The following TP63 variants were observed in gnomAD, a reference collection of about 807,000 sequenced individuals.
TP63 encodes the protein tumor protein 63.
A neutral mutation model predicts 82.8 loss-of-function variants in TP63; 17 were observed. The observed-to-expected ratio is 0.21, with a 90% confidence interval of 0.14 to 0.31. The LOEUF (loss-of-function observed/expected upper bound fraction) is 0.31, where lower values mean the gene tolerates loss of function less well. Ranked by LOEUF, TP63 falls within the 10% of genes least tolerant of loss-of-function variation. The pLI is 1.00. For synonymous variants in TP63, 330 were observed against 321.7 expected (o/e 1.03, Z -0.28); for missense variants, 648 against 895.3 (o/e 0.72, Z 3.52).
At position 189,652,033 on chromosome 3, in the gene TP63, C is replaced by G. The variant is rs1008640290; in HGVS notation, c.62+20456C>G. ...CAGAAGTTTGCTGCAGGAGTAGAGCCTCATGGAGAACCTCTGGCAGAGTGG... is the reference window on the plus strand; with the variant it reads ...CAGAAGTTTGCTGCAGGAGTAGAGCGTCATGGAGAACCTCTGGCAGAGTGG... On this transcript the variant is annotated intron_variant, in intron 1 of 13. Transcript: ENST00000264731. Among the ~76,000 whole-genome samples, 12 of 146,906 alleles carry G rather than the reference C, an allele frequency of 8.2e-5. 1 individual carries two copies. The highest frequency in any genetic ancestry group is 2.3e-4 in the African/African-American group (9 of 39,232).
At chr3:189,729,420 A>G (rs1304636865) in intron 1 of TP63, among the ~76,000 whole-genome samples, 2 of 152,206 alleles carry the variant, frequency 1.3e-5, no homozygotes, top group Admixed American at 6.5e-5. Context: ...AAGACAGGTC[A>G]TGGTCAGTCA....
At chr3:189,866,615 A>G (rs1717757473) in intron 5 of TP63, 67 bp from the exon 6 acceptor site, 1 of 1,414,136 alleles carries the variant, frequency 7.1e-7, no homozygotes, top group Non-Finnish European at 9.9e-7. Flanking sequence ...CTGTTCATGC[A>G]ATTTCATTTT....
At chr3:189,632,390 G>A (rs527571771) in intron 1 of TP63, among the ~76,000 whole-genome samples, 1 of 152,140 alleles carries the variant, frequency 6.6e-6, no homozygotes, top group Non-Finnish European at 1.5e-5. Context: ...TTTACCACCT[G>A]TGTCTGTTGG....
At chr3:189,702,863 T>A (rs1459271142) in intron 1 of TP63, among the ~76,000 whole-genome samples, 1 of 152,216 alleles carries the variant, frequency 6.6e-6, no homozygotes, top group Non-Finnish European at 1.5e-5. Flanking sequence ...TTGGAAATAA[T>A]ATATGTATAA....
At chr3:189,719,690 G>T (rs993293120) in intron 1 of TP63, among the ~76,000 whole-genome samples, 4 of 152,136 alleles carry the variant, frequency 2.6e-5, no homozygotes, top group Non-Finnish European at 5.9e-5. Flanking sequence ...GCTTAAACAC[G>T]CTGCAAAAAC....
At chr3:189,787,735 A>G (rs1054561379) in intron 3 of TP63, among the ~76,000 whole-genome samples, 1 of 152,018 alleles carries the variant, frequency 6.6e-6, no homozygotes, top group Non-Finnish European at 1.5e-5. Context: ...TTAGTGTAAA[A>G]AACAATTTAA....
At chr3:189,664,782 A>G (rs1714229122) in intron 1 of TP63, among the ~76,000 whole-genome samples, 1 of 152,164 alleles carries the variant, frequency 6.6e-6, no homozygotes. Context: ...ATGAAATAGT[A>G]GTATTTGTTT....
intron 4 of TP63, among the ~76,000 whole-genome samples, chr3:189,831,818 C>CTTTT (rs1156431272): frequency 1.5e-4 from 11 of 73,198 alleles, no homozygotes; most frequent in African/African-American, 2.5e-4. Context: ...CTATTATGCT[C>CTTTT]TTTTTTTTTT....
intron 1 of TP63, among the ~76,000 whole-genome samples, chr3:189,732,585 G>T (rs1476947440): frequency 1.3e-5 from 2 of 152,206 alleles, no homozygotes; most frequent in Non-Finnish European, 2.9e-5. Flanking sequence ...GGCGCTGTAT[G>T]ACAATTATGT....
At chr3:189,650,247 A>AGATCAATT (rs2108634823) in intron 1 of TP63, among the ~76,000 whole-genome samples, 1 of 147,446 alleles carries the variant, frequency 6.8e-6, no homozygotes, top group South Asian at 2.2e-4. Context: ...TGTCCGCAAA[A>AGATCAATT]GATCAATTTC....
At chr3:189,719,607 TC>T (rs1008333857) in intron 1 of TP63, among the ~76,000 whole-genome samples, 4 of 152,180 alleles carry the variant, frequency 2.6e-5, no homozygotes, top group Non-Finnish European at 5.9e-5. Flanking sequence ...CCATGCGGTC[TC>T]TGTCACAGCT....
intron 10 of TP63, 46 bp downstream of exon 10, chr3:189,873,041 C>T (rs754211524): frequency 6.2e-7 from 1 of 1,613,708 alleles, no homozygotes. Context: ...GTGAGGGTGA[C>T]TTTATTTGGA....
intron 1 of TP63, among the ~76,000 whole-genome samples, chr3:189,710,399 C>G (rs911405779): frequency 6.6e-6 from 1 of 152,098 alleles, no homozygotes; most frequent in Non-Finnish European, 1.5e-5. Flanking sequence ...CTTTCAGATT[C>G]CTGCTTTGGA....
At chr3:189,655,601 G>A (rs975104417) in intron 1 of TP63, among the ~76,000 whole-genome samples, 1 of 152,040 alleles carries the variant, frequency 6.6e-6, no homozygotes, top group South Asian at 2.1e-4. Context: ...CAGCCTGGGC[G>A]ACAGAGTGAG....
chr3:189,731,025 A>AT (rs542547685), intron 1 of TP63, among the ~76,000 whole-genome samples: 3 of 151,732 alleles, frequency 2.0e-5, no homozygotes, highest in South Asian at 4.2e-4. Flanking sequence ...CTGATGCACA[A>AT]TTTTTTTTCT....
rs772653802 is a variant in TP63 at position 189,808,394 on chromosome 3, C to T, written c.447C>T (p.Tyr149=). ...AQNSVTAPSP[Y]AQPSSTFDAL... ...ACAGCGTCACGGCGCCCTCGCCCTA[C>T]GCACAGCCCAGCTCCACCTTCGATG... is the stretch of plus-strand genomic sequence containing the variant. Residue 149 remains tyrosine (Y), a synonymous_variant, in exon 4 of 14, where the codon TAC becomes TAT. Coordinates refer to ENST00000264731, the MANE Select transcript of TP63 (RefSeq NM_003722.5). 5 of 1,614,220 alleles carry T rather than the reference C, an allele frequency of 3.1e-6. No individual in the cohort carries two copies. Among genetic ancestry groups the T allele is most frequent in the East Asian group, 4.5e-5 (2 of 44,878 alleles).
At chr3:189,626,190 G>A in the TP63 span, among the ~76,000 whole-genome samples, 1 of 152,202 alleles carries the variant, frequency 6.6e-6, no homozygotes, top group East Asian at 1.9e-4. Context: ...GCAAATATTA[G>A]GTCCAAAGTT....
At chr3:189,684,337 C>G (rs1158320334) in intron 1 of TP63, among the ~76,000 whole-genome samples, 1 of 152,074 alleles carries the variant, frequency 6.6e-6, no homozygotes, top group Non-Finnish European at 1.5e-5. Flanking sequence ...ATTATAAATG[C>G]TGTGGTGGAC....
intron 3 of TP63, among the ~76,000 whole-genome samples, chr3:189,757,619 A>G (rs1442294362): frequency 6.6e-6 from 1 of 152,192 alleles, no homozygotes; most frequent in African/African-American, 2.4e-5. Context: ...CAAGAAAAAA[A>G]TCTACACAGA....
Sources: gnomAD v4.1 joint callset for allele counts (sites outside exome capture counted in the v4.1 genomes callset) on GRCh38, gnomAD v4.1.1 for gene constraint, MANE v1.5 for transcripts, NCBI Gene and HGNC (gene_info 2026-07-23, HGNC 2026-07-21) for gene names.